The following CHD7 variants were observed in gnomAD, a reference collection of about 807,000 sequenced individuals.
CHD7 encodes the protein ATP-dependent chromatin remodeler CHD7.
CHD7 carries 24 observed loss-of-function variants against 307.3 expected under a neutral mutation model. The observed-to-expected ratio is 0.08, with a 90% CI of 0.06 to 0.11. The LOEUF is 0.11. Ranked by LOEUF, CHD7 falls within the 10% of genes least tolerant of loss-of-function variation. CHD7 has a pLI of 1.00. For synonymous variants in CHD7, 1,363 were observed against 1,349.9 expected (o/e 1.01, Z -0.21); for missense variants, 3,106 against 3,727.1 (o/e 0.83, Z 4.34).
intron 1 of CHD7, among the ~76,000 whole-genome samples, chr8:60,714,655 G>A (rs1179352819): frequency 1.3e-5 from 2 of 152,092 alleles, no homozygotes; most frequent in Non-Finnish European, 2.9e-5. Flanking sequence ...CACAGGCCAC[G>A]CCCTCTGTTC....
intron 1 of CHD7, among the ~76,000 whole-genome samples, chr8:60,693,489 C>T (rs1327049185): frequency 6.6e-6 from 1 of 152,222 alleles, no homozygotes; most frequent in Non-Finnish European, 1.5e-5. Flanking sequence ...TCTGTTGCTG[C>T]TGAGCCCCAA....
At chr8:60,800,357 T>A in intron 4 of CHD7, 31 bp from the exon 5 acceptor site, 1 of 1,605,954 alleles carries the variant, frequency 6.2e-7, no homozygotes, top group African/African-American at 1.3e-5. Flanking sequence ...ATCATTAATT[T>A]CAAGGCCACT....
chr8:60,803,276 T>A (rs1227904242), intron 6 of CHD7, among the ~76,000 whole-genome samples: 1 of 152,242 alleles, frequency 6.6e-6, no homozygotes, highest in Non-Finnish European at 1.5e-5. Context: ...CAATTGGTAG[T>A]GCTTCAGCAG....
chr8:60,852,006 T>C lies in CHD7; in HGVS notation c.5666-13T>C. On this transcript the variant is annotated splice_polypyrimidine_tract_variant and intron_variant, in intron 28 of 37. Transcript: ENST00000423902. Reference sequence around the variant, plus strand: ...CAGCTACACATTTCAAAAATGTTTTTCCACTTCCCCAGGCAAGCACAGTGA... The same window carrying C: ...CAGCTACACATTTCAAAAATGTTTTCCCACTTCCCCAGGCAAGCACAGTGA... The C allele has an allele frequency of 1.3e-6, 2 of 1,584,748 alleles. No homozygotes were observed. Among genetic ancestry groups the C allele is most frequent in the East Asian group, 2.3e-5 (1 of 44,242 alleles).
In CHD7 at chr8:60,807,803, A is replaced by C. The variant is rs188822291; in HGVS notation, c.2443-414A>C. The stretch of plus-strand genomic sequence containing the variant: ...AAAACATTACAAAACCCACAATGTA[A>C]AGTTGCCATGAGGCAGCCAAAAATA... On this transcript the variant is annotated intron_variant, in intron 6 of 37. Coordinates refer to ENST00000423902, the MANE Select transcript of CHD7 (RefSeq NM_017780.4). 3.9e-5 allele frequency among the ~76,000 whole-genome samples: 6 copies of C among 152,378 alleles called. No homozygotes were observed. In the East Asian group the frequency reaches 1.2e-3, roughly 29 times the overall value.
chr8:60,733,391 C>A (rs1436345201), intron 1 of CHD7, among the ~76,000 whole-genome samples: 1 of 152,144 alleles, frequency 6.6e-6, no homozygotes, highest in Non-Finnish European at 1.5e-5. Context: ...GAATGTGTGC[C>A]CATCTGTTCC....
intron 23 of CHD7, among the ~76,000 whole-genome samples, chr8:60,846,296 C>A (rs753171216): frequency 1.3e-5 from 2 of 152,126 alleles, no homozygotes; most frequent in African/African-American, 4.8e-5. Flanking sequence ...CTTAATATTA[C>A]CTCAGTTGCT....
intron 7 of CHD7, chr8:60,809,683 A>AGG (rs1812703079): frequency 6.6e-6 from 1 of 151,274 alleles, no homozygotes; most frequent in South Asian, 2.1e-4. Flanking sequence ...AAAAAAAAAA[A>AGG]AAAAAAAAAA....
chr8:60,850,962 C>G, intron 26 of CHD7, 70 bp from the exon 27 acceptor site: 3 of 1,097,282 alleles, frequency 2.7e-6, no homozygotes, highest in African/African-American at 1.7e-5. Flanking sequence ...ATTACTCTTT[C>G]CTACCCACCC....
chr8:60,764,850 C>T (rs1041471492), intron 2 of CHD7, among the ~76,000 whole-genome samples: 6 of 152,188 alleles, frequency 3.9e-5, no homozygotes, highest in African/African-American at 1.2e-4. Context: ...GAGAAACTTA[C>T]GCAGACATAG....
intron 1 of CHD7, among the ~76,000 whole-genome samples, chr8:60,739,643 T>C (rs1334099197): frequency 6.6e-6 from 1 of 152,216 alleles, no homozygotes; most frequent in East Asian, 1.9e-4. Context: ...ACTACAGGCC[T>C]GGAGACCCTC....
chr8:60,782,452 A>G (rs899261425), intron 3 of CHD7, among the ~76,000 whole-genome samples: 21 of 152,328 alleles, frequency 1.4e-4, no homozygotes, highest in African/African-American at 3.6e-4. Flanking sequence ...ACAAACTTGG[A>G]CTTGCAACTT....
chr8:60,850,406 T>G, intron 25 of CHD7, 87 bp from the exon 26 acceptor site: 2 of 1,472,792 alleles, frequency 1.4e-6, no homozygotes, highest in Non-Finnish European at 1.8e-6. Context: ...AAAACAAACT[T>G]GTGTTGTGGC....
chr8:60,854,644 A>G (rs1310683458), intron 32 of CHD7, 121 bp downstream of exon 32: 3 of 820,698 alleles, frequency 3.7e-6, no homozygotes, highest in Middle Eastern at 2.4e-4. Context: ...TATGAAGACT[A>G]TAGATTTTTC....
At position 60,850,561 on chromosome 8, in the gene CHD7, G is replaced by A. The variant is rs1218284722; in HGVS notation, c.5473G>A (p.Asp1825Asn). The stretch of plus-strand genomic sequence containing the variant: ...CTTTCTGGAACGAGTCGGTATGCCT[G>A]ATGCCAAGGCCATAGCTGCCGAGCA... ...LCFLERVGMP[D>N]AKAIAAEQRG... is the part of the protein sequence containing the mutation. The change falls in exon 26 of 38, where the codon GAT becomes AAT. Residue 1825 changes from aspartate (D) to asparagine (N), a missense_variant. By Grantham distance (23) the Asp-to-Asn change is conservative. Coordinates refer to ENST00000423902, the MANE Select transcript of CHD7 (RefSeq NM_017780.4). 1.2e-6 allele frequency: 2 copies of A among 1,613,398 alleles called. No homozygotes were observed. The highest frequency in any genetic ancestry group is 1.1e-5 in the South Asian group (1 of 90,914).
intron 29 of CHD7, 76 bp downstream of exon 29, chr8:60,852,323 A>G: frequency 1.4e-6 from 2 of 1,402,114 alleles, no homozygotes; most frequent in South Asian, 2.7e-5. Flanking sequence ...CACAAGAGAC[A>G]GGACTCATAT....
intron 1 of CHD7, among the ~76,000 whole-genome samples, chr8:60,714,406 G>GGGGGGGGGGGGCC: frequency 5.7e-5 from 1 of 17,626 alleles, no homozygotes; most frequent in African/African-American, 1.9e-4. Flanking sequence ...CCGGGAGAAG[G>GGGGGGGGGGGGCC]CCCCCCCCCC....
At chr8:60,864,814 G>C in intron 37 of CHD7, 1 of 589,740 alleles carries the variant, frequency 1.7e-6, no homozygotes, top group Admixed American at 3.1e-5. Flanking sequence ...GTAGCCTTGA[G>C]CAATTTTTCT....
At chr8:60,733,478 G>C (rs1003661418) in intron 1 of CHD7, among the ~76,000 whole-genome samples, 7 of 152,204 alleles carry the variant, frequency 4.6e-5, no homozygotes, top group African/African-American at 1.7e-4. Context: ...CAGCAGGTCA[G>C]CTGTCTCCAC....
Sources: allele counts gnomAD v4.1 joint callset (sites outside exome capture counted in the v4.1 genomes callset), GRCh38; gene constraint gnomAD v4.1.1; transcripts MANE v1.5; gene names NCBI Gene and HGNC (gene_info 2026-07-23, HGNC 2026-07-21).